The following ST6GAL2 variants were observed in gnomAD, a reference collection of about 807,000 sequenced individuals.
The protein encoded by ST6GAL2 is ST6 beta-galactoside alpha-2,6-sialyltransferase 2.
ST6GAL2 carries 24 observed loss-of-function variants against 37.5 expected under a neutral mutation model. The observed-to-expected ratio is 0.64, with a 90% confidence interval of 0.46 to 0.90. ST6GAL2 has a LOEUF of 0.90. Ranked by LOEUF, ST6GAL2 falls within the 40% of genes least tolerant of loss-of-function variation. The pLI is 0.00. For synonymous variants in ST6GAL2, 306 were observed against 295.1 expected, an observed-to-expected ratio of 1.04 and a Z score of -0.38; for missense variants, 715 against 712.7, an observed-to-expected ratio of 1.00 and a Z score of -0.04.
At chr2:106,837,028 T>C (rs1323516359) in intron 2 of ST6GAL2, among the ~76,000 whole-genome samples, 1 of 151,872 alleles carries the variant, frequency 6.6e-6, no homozygotes, top group Non-Finnish European at 1.5e-5. Flanking sequence ...CTGGAAAACT[T>C]CCAAGTTCAT....
chr2:106,844,843 T>C (rs1424911331), intron 1 of ST6GAL2, among the ~76,000 whole-genome samples: 1 of 152,040 alleles, frequency 6.6e-6, no homozygotes, highest in African/African-American at 2.4e-5. Context: ...AGATGAAAAG[T>C]AAGATACAAT....
intron 1 of ST6GAL2, among the ~76,000 whole-genome samples, chr2:106,874,455 A>C (rs1678414110): frequency 6.6e-6 from 1 of 152,122 alleles, no homozygotes; most frequent in South Asian, 2.1e-4. Context: ...TGATGTTCTA[A>C]AAATGGCAGT....
At position 106,826,502 on chromosome 2, in the gene ST6GAL2, T is replaced by C. The variant is rs1213392509; in HGVS notation, c.1318+3564A>G. ...TTGCAGTGAGCTGAGATCGTGCCAC[T>C]GCACTCCAGCCTGAGTAACACAGCG... On this transcript the variant is annotated intron_variant, in intron 5 of 5. Transcript: ENST00000409382. Among the ~76,000 whole-genome samples, 3 of 147,840 alleles carry C rather than the reference T, an allele frequency of 2.0e-5. No homozygotes were observed. In the East Asian group the frequency reaches 6.0e-4, roughly 30 times the overall value.
chr2:106,848,204 G>GTGATC (rs545234586), intron 1 of ST6GAL2, among the ~76,000 whole-genome samples: 14 of 152,014 alleles, frequency 9.2e-5, no homozygotes, highest in African/African-American at 3.4e-4. Context: ...GATCTTTCTG[G>GTGATC]TGATCAGAGC....
intron 1 of ST6GAL2, among the ~76,000 whole-genome samples, chr2:106,873,333 T>A (rs538097082): frequency 6.6e-6 from 1 of 152,326 alleles, no homozygotes; most frequent in South Asian, 2.1e-4. Flanking sequence ...CCTGCATTTA[T>A]AATTCTTCAT....
intron 1 of ST6GAL2, among the ~76,000 whole-genome samples, chr2:106,859,472 T>TA (rs1298533128): frequency 6.6e-6 from 1 of 152,216 alleles, no homozygotes; most frequent in Non-Finnish European, 1.5e-5. Flanking sequence ...ATCTCAAACT[T>TA]AATGTCCAAA....
At chr2:106,880,229 T>C (rs1441656004) in intron 1 of ST6GAL2, among the ~76,000 whole-genome samples, 3 of 152,188 alleles carry the variant, frequency 2.0e-5, no homozygotes, top group Non-Finnish European at 2.9e-5. Flanking sequence ...CCTATGTCTA[T>C]AGTGATTAAA....
At chr2:106,835,663 G>GAC (rs1676605220) in intron 2 of ST6GAL2, among the ~76,000 whole-genome samples, 1 of 152,122 alleles carries the variant, frequency 6.6e-6, no homozygotes, top group Non-Finnish European at 1.5e-5. Context: ...CCATAACACA[G>GAC]ACACACTCAC....
chr2:106,845,604 A>G (rs1199641300), intron 1 of ST6GAL2, among the ~76,000 whole-genome samples: 1 of 152,232 alleles, frequency 6.6e-6, no homozygotes, highest in East Asian at 1.9e-4. Context: ...TAAAAAAGAT[A>G]GGAACTGAAA....
rs956914293 is a variant in ST6GAL2, at chr2:106,803,053, G to C, written c.*3625C>G. 2.0e-5 allele frequency: 3 copies of C among 152,242 alleles called. No individual in the cohort carries two copies. The highest frequency in any genetic ancestry group is 4.4e-5 in the Non-Finnish European group (3 of 68,056). 9.4% of individuals were successfully genotyped at this position (152,242 alleles called of 1,614,324 possible). A position where few individuals can be genotyped will look rare whatever the true frequency, so the allele number is the denominator to read the frequency against. On this transcript the variant is annotated 3_prime_UTR_variant, in exon 6 of 6. Coordinates refer to ENST00000409382, the MANE Select transcript of ST6GAL2 (RefSeq NM_001142351.2). ...AGGAGATGTGTTACTGCTCAGAAGA[G>C]TCAATCAGCAGCGTAAGTATGATCT... is the stretch of plus-strand genomic sequence containing the variant.
rs577158909 is a variant in ST6GAL2 at position 106,843,103 on chromosome 2, C to T, written c.875G>A (p.Gly292Asp). The stretch of plus-strand genomic sequence containing the variant: ...CATGACGACAGCGCAGCTGCGCAGG[C>T]CGCGGGGGTGCAGCTGGCTCAGGGG... ...AVPLSQLHPR[G>D]LRSCAVVMSA... Residue 292 changes from glycine to aspartate, a missense_variant, in exon 2 of 6, where the codon GGC (glycine) becomes GAC (aspartate). This residue lies in a region of ST6GAL2 where 512 missense variants were observed against 488.8 expected (regional missense o/e 1.05). Coordinates refer to ENST00000409382, the MANE Select transcript of ST6GAL2 (RefSeq NM_001142351.2). 7.8e-5 allele frequency: 121 copies of T among 1,549,046 alleles called. 2 individuals are homozygous for T. The South Asian group carries it at 1.4e-3, about 18-fold the overall frequency.
intron 1 of ST6GAL2, among the ~76,000 whole-genome samples, chr2:106,865,700 T>C (rs188710352): frequency 1.3e-5 from 2 of 152,282 alleles, no homozygotes; most frequent in Admixed American, 1.3e-4. Context: ...ATGTCAGACA[T>C]GTGTGACACT....
At chr2:106,825,355 G>A (rs1676162474) in intron 5 of ST6GAL2, among the ~76,000 whole-genome samples, 1 of 152,212 alleles carries the variant, frequency 6.6e-6, no homozygotes, top group Non-Finnish European at 1.5e-5. Flanking sequence ...ATGCAAGTGA[G>A]TCATCTTGGA....
At chr2:106,846,508 T>A (rs747700415) in intron 1 of ST6GAL2, among the ~76,000 whole-genome samples, 12 of 152,154 alleles carry the variant, frequency 7.9e-5, no homozygotes, top group African/African-American at 1.2e-4. Flanking sequence ...CTTATACCCA[T>A]AATAATTAAA....
intron 1 of ST6GAL2, among the ~76,000 whole-genome samples, chr2:106,868,572 G>A (rs569812976): frequency 2.8e-4 from 43 of 152,270 alleles, no homozygotes; most frequent in African/African-American, 7.5e-4. Flanking sequence ...TCGCTGCACC[G>A]GAAGCCTCTA....
At chr2:106,807,080 T>C in intron 5 of ST6GAL2, 131 bp from the exon 6 acceptor site, 2 of 731,384 alleles carry the variant, frequency 2.7e-6, no homozygotes, top group South Asian at 3.7e-5. Flanking sequence ...TGTTGTTGCA[T>C]TTGCAATGTT....
intron 1 of ST6GAL2, among the ~76,000 whole-genome samples, chr2:106,849,884 C>T (rs1677288680): frequency 6.6e-6 from 1 of 152,168 alleles, no homozygotes; most frequent in South Asian, 2.1e-4. Flanking sequence ...TTCAAAATAT[C>T]CCACCACTTT....
rs746461895 is a variant in ST6GAL2 at position 106,830,148 on chromosome 2, T to C, written c.1236A>G (p.Lys412=). The C allele has an allele frequency of 1.9e-6, 3 of 1,613,942 alleles. No homozygotes were observed. Residue 412 remains lysine (K), a synonymous_variant, in exon 5 of 6, where the codon AAA becomes AAG. Coordinates refer to ENST00000409382, the MANE Select transcript of ST6GAL2 (RefSeq NM_001142351.2). ...TAATATCCCAGAGCTGCCATATAAA[T>C]TTAGGATGAAGAATGTAAAATGGCT... ...PNQPFYILHP[K]FIWQLWDIIQ...
At chr2:106,859,434 G>A (rs1329830289) in intron 1 of ST6GAL2, among the ~76,000 whole-genome samples, 1 of 152,130 alleles carries the variant, frequency 6.6e-6, no homozygotes, top group Non-Finnish European at 1.5e-5. Context: ...TAAACTATGT[G>A]ATATCGCCAC....
Sources: gnomAD v4.1 joint callset for allele counts (sites outside exome capture counted in the v4.1 genomes callset) on GRCh38, gnomAD v4.1.1 for gene constraint, gnomAD v4.1.1 regional missense constraint, MANE v1.5 for transcripts, NCBI Gene and HGNC (gene_info 2026-07-23, HGNC 2026-07-21) for gene names.